NRG1: variants seen among roughly 807,000 people sequenced by gnomAD.
NRG1 encodes pro-neuregulin-1, membrane-bound isoform.
A neutral mutation model predicts 63.8 loss-of-function variants in NRG1; 18 were observed. The ratio of observed to expected loss-of-function variants is 0.28; its 90% CI spans 0.19 to 0.42. The LOEUF (loss-of-function observed/expected upper bound fraction) is 0.42, where lower values mean the gene tolerates loss of function less well. Among genes scored for constraint, NRG1 ranks in the 10% least tolerant of loss-of-function variants. The pLI, the probability that NRG1 is intolerant of heterozygous loss-of-function variation, is 1.00. For synonymous variants in NRG1, 302 were observed against 301.3 expected (o/e 1.00, Z -0.02); for missense variants, 762 against 814.7 (o/e 0.94, Z 0.79).
intron 1 of NRG1, among the ~76,000 whole-genome samples, chr8:31,666,673 G>A (rs1380794951): frequency 6.6e-6 from 1 of 152,182 alleles, no homozygotes; most frequent in Non-Finnish European, 1.5e-5. Context: ...TCTCAAAGTT[G>A]CTTTTTATGA....
chr8:32,493,313 G>C (rs1826818768), intron 1 of NRG1, among the ~76,000 whole-genome samples: 1 of 152,164 alleles, frequency 6.6e-6, no homozygotes, highest in Non-Finnish European at 1.5e-5. Flanking sequence ...GTCTGGATTA[G>C]AGCTGCTTAA....
intron 1 of NRG1, among the ~76,000 whole-genome samples, chr8:32,259,399 A>T (rs534714105): frequency 6.6e-6 from 1 of 152,008 alleles, no homozygotes; most frequent in Non-Finnish European, 1.5e-5. Context: ...TAAAAGCATA[A>T]ATTTCACCCC....
chr8:31,705,655 C>T, intron 1 of NRG1, among the ~76,000 whole-genome samples: 1 of 152,154 alleles, frequency 6.6e-6, no homozygotes, highest in Non-Finnish European at 1.5e-5. Flanking sequence ...TTTTTCCTCT[C>T]TGTTCTGCAT....
chr8:32,519,752 T>C (rs1830158026), intron 1 of NRG1, among the ~76,000 whole-genome samples: 1 of 152,214 alleles, frequency 6.6e-6, no homozygotes, highest in African/African-American at 2.4e-5. Context: ...AATATTTTCC[T>C]TCCGAGAGAT....
chr8:31,775,191 C>T (rs949394789), intron 1 of NRG1, among the ~76,000 whole-genome samples: 1 of 152,230 alleles, frequency 6.6e-6, no homozygotes, highest in African/African-American at 2.4e-5. Context: ...ATGGCATCAG[C>T]ACCTAAGTGT....
exon 12 of NRG1, chr8:32,764,404 A>T: frequency 6.5e-7 from 1 of 1,544,074 alleles, no homozygotes; most frequent in South Asian, 1.2e-5. Context: ...GCTGTATAAA[A>T]CCTAAATAAA....
intron 1 of NRG1, among the ~76,000 whole-genome samples, chr8:31,756,453 C>A (rs1816973496): frequency 6.6e-6 from 1 of 152,016 alleles, no homozygotes; most frequent in Admixed American, 6.6e-5. Flanking sequence ...CCCAAGCTGA[C>A]CCTGTTGACT....
At chr8:32,383,243 A>G (rs1046950144) in intron 1 of NRG1, among the ~76,000 whole-genome samples, 1 of 151,996 alleles carries the variant, frequency 6.6e-6, no homozygotes, top group African/African-American at 2.4e-5. Flanking sequence ...AACAACAAAA[A>G]CTTCAGGTAA....
chr8:31,682,484 A>G (rs1378087656), intron 1 of NRG1, among the ~76,000 whole-genome samples: 1 of 152,160 alleles, frequency 6.6e-6, no homozygotes, highest in African/African-American at 2.4e-5. Flanking sequence ...AAGTGACATA[A>G]AACTATATAC....
intron 5 of NRG1, chr8:32,722,001 G>A: frequency 6.5e-7 from 1 of 1,548,348 alleles, no homozygotes; most frequent in South Asian, 1.2e-5. Flanking sequence ...GAGCAGGAAA[G>A]TATGCAGATT....
rs143265444 is a variant in NRG1, at chr8:32,068,543, T to C, written c.37+429112T>C. Reference sequence around the variant, plus strand: ...AGAAAAAGCGGAGGGACTGGAGGAGTGGAGGAGAGGAAGTCAATAGTGATG... The same window carrying C: ...AGAAAAAGCGGAGGGACTGGAGGAGCGGAGGAGAGGAAGTCAATAGTGATG... On this transcript the variant is annotated intron_variant, in intron 1 of 10. Coordinates refer to the NRG1 transcript ENST00000519301. 9.9e-5 allele frequency among the ~76,000 whole-genome samples: 15 copies of C among 151,934 alleles called. 1 individual carries two copies. The highest frequency in any genetic ancestry group is 3.6e-4 in the African/African-American group (15 of 41,438).
At chr8:32,568,991 C>G (rs1486073447) in intron 1 of NRG1, among the ~76,000 whole-genome samples, 2 of 151,832 alleles carry the variant, frequency 1.3e-5, no homozygotes, top group Admixed American at 6.6e-5. Flanking sequence ...TTCAGACTAC[C>G]CTGTGGAAGT....
intron 1 of NRG1, among the ~76,000 whole-genome samples, chr8:32,428,749 C>T (rs967013428): frequency 5.3e-5 from 8 of 152,166 alleles, no homozygotes; most frequent in African/African-American, 1.7e-4. Flanking sequence ...CTGATGGAAA[C>T]CCAGCTTTTA....
chr8:32,766,090 T>G (rs1831408625), exon 12 of NRG1: 1 of 152,186 alleles, frequency 6.6e-6, no homozygotes, highest in Non-Finnish European at 1.5e-5. Flanking sequence ...GAGTAATTGC[T>G]TCTTTTTTGC....
intron 1 of NRG1, among the ~76,000 whole-genome samples, chr8:31,658,877 T>A (rs1280707007): frequency 6.6e-6 from 1 of 152,140 alleles, no homozygotes; most frequent in Non-Finnish European, 1.5e-5. Flanking sequence ...TGAAGATGAA[T>A]CTTGACTACT....
At chr8:32,134,236 G>A (rs116722789) in intron 1 of NRG1, among the ~76,000 whole-genome samples, 2,319 of 152,112 alleles carry the variant, frequency 0.015, 75 homozygotes, top group African/African-American at 0.05. Flanking sequence ...GCAAAGTCAC[G>A]CCTATACATT....
intron 1 of NRG1, among the ~76,000 whole-genome samples, chr8:32,235,572 G>A (rs942416556): frequency 6.6e-6 from 1 of 152,130 alleles, no homozygotes; most frequent in Admixed American, 6.5e-5. Flanking sequence ...TCTAGGATGA[G>A]ACCAGAAGGG....
intron 1 of NRG1, among the ~76,000 whole-genome samples, chr8:32,352,038 A>G (rs541682270): frequency 1.3e-5 from 2 of 151,314 alleles, no homozygotes; most frequent in African/African-American, 2.4e-5. Flanking sequence ...ATTATCTGCC[A>G]TGTCATCCAG....
intron 1 of NRG1, among the ~76,000 whole-genome samples, chr8:31,708,144 G>T (rs1348978133): frequency 6.6e-6 from 1 of 152,080 alleles, no homozygotes; most frequent in Non-Finnish European, 1.5e-5. Flanking sequence ...TCTCAGCCCC[G>T]CTTGTATTTA....
Sources: allele counts gnomAD v4.1 joint callset (sites outside exome capture counted in the v4.1 genomes callset), GRCh38; gene constraint gnomAD v4.1.1; transcripts MANE v1.5; gene names NCBI Gene and HGNC (gene_info 2026-07-23, HGNC 2026-07-21).